The following ARK2C variants were observed in gnomAD, a reference collection of about 807,000 sequenced individuals.
ARK2C encodes the protein E3 ubiquitin-protein ligase ARK2C.
chr18:46,356,358 T>C, the ARK2C span, among the ~76,000 whole-genome samples: 114 of 152,176 alleles, frequency 7.5e-4, no homozygotes, highest in Non-Finnish European at 1.4e-3. Flanking sequence ...AGGTGACATG[T>C]GCCATGGTGC....
At chr18:46,368,818 C>A in the ARK2C span, among the ~76,000 whole-genome samples, 3 of 152,218 alleles carry the variant, frequency 2.0e-5, no homozygotes, top group African/African-American at 7.2e-5. Context: ...CTTTGAACCT[C>A]AATATCCTCA....
the ARK2C span, chr18:46,337,200 G>C: frequency 1.0e-6 from 1 of 985,150 alleles, no homozygotes; most frequent in Non-Finnish European, 1.2e-6. Context: ...ACTGCCATTT[G>C]GCAATCTGAA....
chr18:46,343,312 C>G, the ARK2C span, among the ~76,000 whole-genome samples: 10 of 152,346 alleles, frequency 6.6e-5, no homozygotes, highest in African/African-American at 2.4e-4. Flanking sequence ...ATTCTGAGAC[C>G]TAGATTCTGG....
At chr18:46,428,846 T>C in the ARK2C span, among the ~76,000 whole-genome samples, 1 of 152,238 alleles carries the variant, frequency 6.6e-6, no homozygotes, top group South Asian at 2.1e-4. Context: ...AAATGTAAAA[T>C]TCCCTGTGTG....
chr18:46,439,712 AC>A, the ARK2C span, among the ~76,000 whole-genome samples: 21 of 145,722 alleles, frequency 1.4e-4, no homozygotes, highest in African/African-American at 4.4e-4. Context: ...ATTAAAAAAA[AC>A]CCTTTTTATT....
At chr18:46,403,679 A>T in the ARK2C span, among the ~76,000 whole-genome samples, 3 of 152,058 alleles carry the variant, frequency 2.0e-5, no homozygotes, top group Non-Finnish European at 4.4e-5. Context: ...GGAGTTCGAG[A>T]CCAGTCTGGC....
the ARK2C span, among the ~76,000 whole-genome samples, chr18:46,444,558 G>A: frequency 1.3e-4 from 19 of 152,000 alleles, no homozygotes; most frequent in African/African-American, 4.1e-4. Flanking sequence ...TCAACTTCCT[G>A]GGCTCAAGTG....
chr18:46,459,861 C>G, the ARK2C span: 1 of 152,714 alleles, frequency 6.5e-6, no homozygotes. Flanking sequence ...GACTCAGACC[C>G]TTTCTTGACT....
chr18:46,404,292 C>G, the ARK2C span, among the ~76,000 whole-genome samples: 2 of 152,136 alleles, frequency 1.3e-5, no homozygotes, highest in Admixed American at 6.5e-5. Flanking sequence ...CTGGATGGCT[C>G]GCTTCCTCTC....
At chr18:46,424,350 G>A in the ARK2C span, among the ~76,000 whole-genome samples, 2 of 152,248 alleles carry the variant, frequency 1.3e-5, no homozygotes, top group Non-Finnish European at 2.9e-5. Context: ...GTGAGAGAGA[G>A]CAAGGCTGGG....
the ARK2C span, among the ~76,000 whole-genome samples, chr18:46,423,094 AG>A: frequency 6.6e-6 from 1 of 152,324 alleles, no homozygotes; most frequent in East Asian, 1.9e-4. Flanking sequence ...TCCAGTACCC[AG>A]GAGTTTCCTT....
At chr18:46,344,852 TGG>T in the ARK2C span, among the ~76,000 whole-genome samples, 1 of 152,350 alleles carries the variant, frequency 6.6e-6, no homozygotes, top group South Asian at 2.1e-4. Context: ...CGGAGGTAGC[TGG>T]GCCAGAGCCT....
the ARK2C span, among the ~76,000 whole-genome samples, chr18:46,447,884 CCTT>C: frequency 6.7e-6 from 1 of 149,848 alleles, no homozygotes; most frequent in East Asian, 2.0e-4. Flanking sequence ...TGTGCCCTGG[CCTT>C]CTTGTGTCCT....
At chr18:46,392,037 A>G in the ARK2C span, among the ~76,000 whole-genome samples, 3 of 151,584 alleles carry the variant, frequency 2.0e-5, no homozygotes, top group Admixed American at 6.6e-5. Context: ...CACACCACAC[A>G]TAATACATAC....
chr18:46,453,160 C>A, the ARK2C span, among the ~76,000 whole-genome samples: 2 of 152,282 alleles, frequency 1.3e-5, no homozygotes, highest in East Asian at 3.9e-4. Context: ...TGATTTCAAC[C>A]GCAGTTATTG....
chr18:46,366,401 T>C, the ARK2C span, among the ~76,000 whole-genome samples: 34 of 151,564 alleles, frequency 2.2e-4, no homozygotes, highest in Admixed American at 1.4e-3. Context: ...GCTGACTATA[T>C]GACCTCTCCC....
chr18:46,434,895 C>G, the ARK2C span, among the ~76,000 whole-genome samples: 1 of 151,962 alleles, frequency 6.6e-6, no homozygotes, highest in African/African-American at 2.4e-5. Flanking sequence ...AGGAGAAGAG[C>G]ATGATGGGAG....
the ARK2C span, chr18:46,334,463 TC>T: frequency 7.9e-6 from 6 of 763,796 alleles, no homozygotes; most frequent in Middle Eastern, 4.0e-4. The surrounding 1 kb of genome is among the most constrained non-coding windows in gnomAD (Gnocchi z 4.4). Flanking sequence ...AGCGGTGGCT[TC>T]CCCCCACCCC....
At chr18:46,434,102 A>G in the ARK2C span, among the ~76,000 whole-genome samples, 1 of 152,140 alleles carries the variant, frequency 6.6e-6, no homozygotes, top group African/African-American at 2.4e-5. Context: ...TTCTAATCAA[A>G]TAGGTCTGGA....
Sources: gnomAD v4.1 joint callset for allele counts (sites outside exome capture counted in the v4.1 genomes callset) on GRCh38, gnomAD v4.1.1 for gene constraint, Gnocchi (gnomAD v3.1) non-coding constraint, MANE v1.5 for transcripts, NCBI Gene and HGNC (gene_info 2026-07-23, HGNC 2026-07-21) for gene names.